The following ERC2 variants were observed in gnomAD, a reference collection of about 807,000 sequenced individuals.
The protein encoded by ERC2 is ELKS/RAB6-interacting/CAST family member 2.
Under a neutral mutation model 114.8 loss-of-function variants are expected in ERC2, and 42 were observed. The observed-to-expected ratio is 0.37, with a 90% confidence interval of 0.29 to 0.47. The LOEUF (loss-of-function observed/expected upper bound fraction) is 0.47. Ranked by LOEUF, ERC2 falls within the 20% of genes least tolerant of loss-of-function variation. The pLI is 0.99. For missense variants in ERC2, 939 were observed against 1,150.7 expected (o/e 0.82, Z 2.66); for synonymous variants, 454 against 425.5 (o/e 1.07, Z -0.82).
chr3:55,845,503 CAAAAAAAAAAAAA>C lies in ERC2; in HGVS notation c.2564+42873_2564+42885del, dbSNP rs764740068. ...TGGGCGACAGAGCGAGACTCCGTCT[CAAAAAAAAAAAAA>C]AAAAAAAAAAGGCAAAAATGGAAAA... is the stretch of plus-strand genomic sequence containing the variant. On this transcript the variant is annotated intron_variant, in intron 14 of 17. Coordinates refer to ENST00000288221, the MANE Select transcript of ERC2 (RefSeq NM_015576.3). Among the ~76,000 whole-genome samples, 20 of 64,036 alleles carry C rather than the reference CAAAAAAAAAAAAA, an allele frequency of 3.1e-4. No individual in the cohort carries two copies. The South Asian group carries it at 0.011, about 36-fold the overall frequency. 42.0% of individuals were successfully genotyped at this position (64,036 alleles called of 152,430 possible).
At chr3:55,844,203 C>G (rs1193618445) in intron 14 of ERC2, among the ~76,000 whole-genome samples, 4 of 152,090 alleles carry the variant, frequency 2.6e-5, no homozygotes, top group Admixed American at 1.3e-4. Flanking sequence ...CTTTCTACTC[C>G]TTGGTATATC....
intron 17 of ERC2, among the ~76,000 whole-genome samples, chr3:55,558,651 G>T (rs2107465734): frequency 6.6e-6 from 1 of 152,354 alleles, no homozygotes; most frequent in East Asian, 1.9e-4. Flanking sequence ...AACAGTTACA[G>T]AGAGGTTTCT....
chr3:55,641,991 G>T (rs2060204427), intron 17 of ERC2, among the ~76,000 whole-genome samples: 1 of 152,198 alleles, frequency 6.6e-6, no homozygotes, highest in African/African-American at 2.4e-5. Flanking sequence ...GAAATCATTT[G>T]CATGGTGGAG....
intron 15 of ERC2, among the ~76,000 whole-genome samples, chr3:55,700,226 A>G (rs935036376): frequency 1.3e-5 from 2 of 152,212 alleles, no homozygotes; most frequent in Non-Finnish European, 2.9e-5. Context: ...CTGCTTTATT[A>G]TGCAGGGCAA....
intron 8 of ERC2, 34 bp downstream of exon 8, chr3:56,018,860 A>G: frequency 6.2e-7 from 1 of 1,603,096 alleles, no homozygotes; most frequent in Non-Finnish European, 8.5e-7. Context: ...GTTTCCCCAT[A>G]TCCTGATTCC....
chr3:55,952,182 C>A (rs374060688), intron 12 of ERC2, among the ~76,000 whole-genome samples: 28,173 of 69,590 alleles, frequency 0.4, 5,936 homozygotes, highest in Non-Finnish European at 0.47. Context: ...CACACACACT[C>A]TCTCTCTCTC....
rs1209063873 is a variant in ERC2 at position 55,670,856 on chromosome 3, T to C, written c.*39+12938A>G. ...GGGGGGAATTTTTTTAAAACGAATA[T>C]TTTGTGACACATGGAAATGATATGA... is the stretch of plus-strand genomic sequence containing the variant. On this transcript the variant is annotated intron_variant, in intron 17 of 17. Coordinates refer to ENST00000288221, the MANE Select transcript of ERC2 (RefSeq NM_015576.3). Among the ~76,000 whole-genome samples, 12 of 152,138 alleles carry C rather than the reference T, an allele frequency of 7.9e-5. 1 individual carries two copies. The highest frequency in any genetic ancestry group is 7.9e-4 in the Admixed American group (12 of 15,264).
intron 3 of ERC2, among the ~76,000 whole-genome samples, chr3:56,289,859 C>A (rs1425885093): frequency 6.6e-6 from 1 of 152,174 alleles, no homozygotes; most frequent in African/African-American, 2.4e-5. Flanking sequence ...AGTCACACTG[C>A]CCAGCTTCCA....
intron 6 of ERC2, among the ~76,000 whole-genome samples, chr3:56,119,703 T>A (rs138238679): frequency 6.6e-6 from 1 of 152,220 alleles, no homozygotes; most frequent in Non-Finnish European, 1.5e-5. Flanking sequence ...CAGTGTTTGA[T>A]AGACATAGTT....
chr3:56,301,961 T>G (rs547682336), intron 2 of ERC2, among the ~76,000 whole-genome samples: 3 of 151,928 alleles, frequency 2.0e-5, no homozygotes, highest in Admixed American at 2.0e-4. Context: ...ACATGCAGAG[T>G]AAGACATCAA....
At chr3:55,885,561 A>C (rs764034343) in intron 14 of ERC2, among the ~76,000 whole-genome samples, 10 of 152,346 alleles carry the variant, frequency 6.6e-5, no homozygotes, top group Non-Finnish European at 1.2e-4. Context: ...CAGCAGATTA[A>C]GCACTTCAGC....
intron 14 of ERC2, among the ~76,000 whole-genome samples, chr3:55,815,657 A>G (rs1376007869): frequency 6.6e-6 from 1 of 152,224 alleles, no homozygotes; most frequent in African/African-American, 2.4e-5. Flanking sequence ...AGAAACTGAG[A>G]TAATAAACAT....
At chr3:56,221,489 G>A (rs1022012739) in intron 3 of ERC2, among the ~76,000 whole-genome samples, 37 of 151,984 alleles carry the variant, frequency 2.4e-4, no homozygotes, top group Non-Finnish European at 5.3e-4. Flanking sequence ...GTCCTGCACA[G>A]CAATCTTGCA....
intron 12 of ERC2, among the ~76,000 whole-genome samples, chr3:55,962,338 T>C (rs1240679904): frequency 6.6e-6 from 1 of 152,254 alleles, no homozygotes; most frequent in South Asian, 2.1e-4. Flanking sequence ...TCACAGGCCA[T>C]ATGGCCTCTG....
chr3:55,600,112 T>C (rs2058330425), intron 17 of ERC2, among the ~76,000 whole-genome samples: 1 of 152,128 alleles, frequency 6.6e-6, no homozygotes, highest in Admixed American at 6.5e-5. Context: ...TAGGCTGTAA[T>C]CTTGTGAAGT....
chr3:56,229,519 A>C (rs1424388060), intron 3 of ERC2, among the ~76,000 whole-genome samples: 1 of 152,222 alleles, frequency 6.6e-6, no homozygotes, highest in Non-Finnish European at 1.5e-5. Flanking sequence ...AAGGGTTCTT[A>C]GATATGATAC....
Position 56,414,724 on chromosome 3 carries a change from C to CAA in ERC2, c.657+19625_657+19626dup, listed in dbSNP as rs10706985. The stretch of plus-strand genomic sequence containing the variant: ...AGGGCGACAGAGCGAGACTCTGTCT[C>CAA]AAAAAAAAAAAAAAGAAAAGAAAAG... On this transcript the variant is annotated intron_variant, in intron 2 of 17. Transcript: ENST00000288221. Among the ~76,000 whole-genome samples the CAA allele has an allele frequency of 1.7e-4, 18 of 104,910 alleles. No homozygotes were observed. The South Asian group carries it at 2.9e-3, about 17-fold the overall frequency. The allele number at this position is 104,910 out of a possible 152,430, so 68.8% of individuals were successfully genotyped here.
At chr3:56,122,765 A>G (rs2079650039) in intron 6 of ERC2, among the ~76,000 whole-genome samples, 1 of 152,126 alleles carries the variant, frequency 6.6e-6, no homozygotes, top group Non-Finnish European at 1.5e-5. Flanking sequence ...AAATGCCCGA[A>G]TGCCCGTAAG....
intron 6 of ERC2, among the ~76,000 whole-genome samples, chr3:56,125,753 G>T (rs1378049039): frequency 3.9e-5 from 6 of 152,092 alleles, no homozygotes; most frequent in Admixed American, 3.3e-4. Flanking sequence ...TAGCTGAGTC[G>T]ATAAAAGGTC....
Sources: allele counts gnomAD v4.1 joint callset (sites outside exome capture counted in the v4.1 genomes callset), GRCh38; gene constraint gnomAD v4.1.1; transcripts MANE v1.5; gene names NCBI Gene and HGNC (gene_info 2026-07-23, HGNC 2026-07-21).